RYR2: variants seen among roughly 807,000 people sequenced by gnomAD.
RYR2 encodes ryanodine receptor 2, also known as cardiac muscle ryanodine receptor-calcium release channel.
RYR2 carries 227 observed loss-of-function variants against 601.1 expected under a neutral mutation model. The observed-to-expected ratio is 0.38, with a 90% CI of 0.34 to 0.42. The LOEUF is 0.42. Among genes scored for constraint, RYR2 ranks in the 10% least tolerant of loss-of-function variants. RYR2 has a pLI of 1.00. For missense variants in RYR2, 4,646 were observed against 6,156.5 expected, an observed-to-expected ratio of 0.75 and a Z score of 8.21; for synonymous variants, 2,223 against 2,175.1, an observed-to-expected ratio of 1.02 and a Z score of -0.61.
At chr1:237,247,890 A>C (rs899871388) in intron 1 of RYR2, among the ~76,000 whole-genome samples, 10 of 152,202 alleles carry the variant, frequency 6.6e-5, no homozygotes, top group African/African-American at 2.4e-4. Flanking sequence ...GAGGGTGAGG[A>C]AAGATCCAGA....
Position 237,801,898 on chromosome 1 carries a change from A to G in RYR2, c.14133A>G (p.Gly4711=), listed in dbSNP as rs1487075001. The G allele has an allele frequency of 1.2e-6, 2 of 1,602,582 alleles. No homozygotes were observed. Among genetic ancestry groups the G allele is most frequent in the African/African-American group, 1.3e-5 (1 of 74,814 alleles). Reference sequence around the variant, plus strand: ...TGAAGTATCAGATGTGGAAACTAGGAGTCGTTTTCACTGACAACGTAAGCC... The same window carrying G: ...TGAAGTATCAGATGTGGAAACTAGGGGTCGTTTTCACTGACAACGTAAGCC... ...IDVKYQMWKL[G]VVFTDNSFLY... The change falls in exon 98 of 105, where the codon GGA becomes GGG. Residue 4711 remains glycine, a synonymous_variant. Transcript: ENST00000366574.
chr1:237,076,485 C>T (rs1460597453), intron 1 of RYR2, among the ~76,000 whole-genome samples: 64 of 4,852 alleles, frequency 0.013, no homozygotes, highest in African/African-American at 0.016. Context: ...AATGCAGAAG[C>T]CTCAGGAGCC....
intron 2 of RYR2, among the ~76,000 whole-genome samples, chr1:237,291,616 TATCA>T (rs1484386697): frequency 6.6e-6 from 1 of 152,100 alleles, no homozygotes; most frequent in African/African-American, 2.4e-5. Flanking sequence ...AGAAATGAGC[TATCA>T]ATCCGTGAAA....
chr1:237,208,848 T>C (rs1682113681), intron 1 of RYR2, among the ~76,000 whole-genome samples: 1 of 149,636 alleles, frequency 6.7e-6, no homozygotes, highest in East Asian at 2.0e-4. Flanking sequence ...TTTATACCCT[T>C]TGACCAACAT....
intron 17 of RYR2, among the ~76,000 whole-genome samples, chr1:237,486,403 G>A (rs2927937): frequency 0.65 from 98,577 of 151,978 alleles, 34,003 homozygotes; most frequent in African/African-American, 0.9. Context: ...CTTAATTCTA[G>A]TATAAACTCT....
intron 25 of RYR2, among the ~76,000 whole-genome samples, chr1:237,544,854 C>T (rs1444506312): frequency 6.6e-6 from 1 of 152,054 alleles, no homozygotes; most frequent in Non-Finnish European, 1.5e-5. Flanking sequence ...TTCATGATGT[C>T]AATAGTGTTA....
intron 97 of RYR2, among the ~76,000 whole-genome samples, chr1:237,801,510 C>A (rs1659964878): frequency 7.2e-6 from 1 of 139,744 alleles, no homozygotes; most frequent in African/African-American, 2.6e-5. Context: ...CCATTGCATT[C>A]TAGTCTGGGT....
chr1:237,250,676 C>G (rs1434956325), intron 1 of RYR2, among the ~76,000 whole-genome samples: 1 of 152,168 alleles, frequency 6.6e-6, no homozygotes, highest in Non-Finnish European at 1.5e-5. Flanking sequence ...CGCCAAACTC[C>G]CAGCCACTTT....
chr1:237,744,878 T>C (rs1359745937), intron 80 of RYR2, among the ~76,000 whole-genome samples: 2 of 149,704 alleles, frequency 1.3e-5, no homozygotes, highest in Non-Finnish European at 3.0e-5. Context: ...CTCACTGCAA[T>C]CTCCACCTCC....
At chr1:237,132,528 C>T (rs141359817) in intron 1 of RYR2, among the ~76,000 whole-genome samples, 22 of 152,290 alleles carry the variant, frequency 1.4e-4, no homozygotes, top group African/African-American at 5.3e-4. Flanking sequence ...TTTCAGCAGA[C>T]TGGACACTTC....
At chr1:237,442,098 T>C (rs542857242) in intron 13 of RYR2, among the ~76,000 whole-genome samples, 3 of 152,340 alleles carry the variant, frequency 2.0e-5, no homozygotes, top group African/African-American at 7.2e-5. Context: ...GTTGGTGAGA[T>C]TGCCCATGCA....
chr1:237,331,756 T>C (rs375938347), intron 3 of RYR2, among the ~76,000 whole-genome samples: 555 of 151,920 alleles, frequency 3.7e-3, no homozygotes, highest in Middle Eastern at 0.01. Context: ...CCTCGTGATC[T>C]GCCCACCTTG....
At chr1:237,799,843 G>A (rs1234094316) in intron 97 of RYR2, among the ~76,000 whole-genome samples, 1 of 152,192 alleles carries the variant, frequency 6.6e-6, no homozygotes, top group African/African-American at 2.4e-5. Context: ...CAAGCAGTCT[G>A]GAAGGCTGCA....
intron 63 of RYR2, among the ~76,000 whole-genome samples, chr1:237,697,516 T>A (rs1436481342): frequency 6.9e-6 from 1 of 145,930 alleles, no homozygotes; most frequent in East Asian, 1.9e-4. Flanking sequence ...TTATATATAA[T>A]CTTTTTGTAT....
chr1:237,676,065 T>G (rs1685369134), intron 60 of RYR2, among the ~76,000 whole-genome samples: 1 of 151,998 alleles, frequency 6.6e-6, no homozygotes, highest in African/African-American at 2.4e-5. Flanking sequence ...AAAAATGAGG[T>G]AGGGGTGAAT....
intron 34 of RYR2, among the ~76,000 whole-genome samples, chr1:237,596,783 A>G (rs1817410): frequency 0.51 from 77,183 of 152,022 alleles, 19,955 homozygotes; most frequent in East Asian, 0.67. Context: ...AGTCATATAT[A>G]CTTGGATTTC....
chr1:237,577,902 A>C (rs1673445979), intron 29 of RYR2, among the ~76,000 whole-genome samples: 1 of 152,138 alleles, frequency 6.6e-6, no homozygotes, highest in Non-Finnish European at 1.5e-5. Flanking sequence ...TCCCGGGTTC[A>C]AGCAATTCTC....
chr1:237,468,044 G>A (rs948568949), intron 16 of RYR2, among the ~76,000 whole-genome samples: 1 of 151,860 alleles, frequency 6.6e-6, no homozygotes, highest in Non-Finnish European at 1.5e-5. Flanking sequence ...ATTTTTATTA[G>A]AGATGGGGTT....
intron 1 of RYR2, among the ~76,000 whole-genome samples, chr1:237,109,422 T>A (rs1669171988): frequency 6.6e-6 from 1 of 152,134 alleles, no homozygotes; most frequent in African/African-American, 2.4e-5. Context: ...GGAAGATTTT[T>A]TGCATTGACT....
Sources: gnomAD v4.1 joint callset for allele counts (sites outside exome capture counted in the v4.1 genomes callset) on GRCh38, gnomAD v4.1.1 for gene constraint, MANE v1.5 for transcripts, NCBI Gene and HGNC (gene_info 2026-07-23, HGNC 2026-07-21) for gene names.